Variants in WHRN observed in about 807,000 individuals in gnomAD.
The protein encoded by WHRN is whirlin, also known as CASK-interacting protein CIP98.
Under a neutral mutation model 68.3 loss-of-function variants are expected in WHRN, and 41 were observed. The ratio of observed to expected loss-of-function variants is 0.60; its 90% confidence interval spans 0.47 to 0.78. WHRN has a LOEUF of 0.78. WHRN is among the 30% of genes least tolerant of loss of function. The probability of loss-of-function intolerance (pLI) is 0.00; values close to 1 mark genes in which losing one functional copy is unlikely to be tolerated. For missense variants in WHRN, 1,243 were observed against 1,244.7 expected (o/e 1.00, Z 0.02); for synonymous variants, 560 against 561.3 (o/e 1.00, Z 0.03).
intron 1 of WHRN, among the ~76,000 whole-genome samples, chr9:114,488,989 G>A (rs1443533772): frequency 2.6e-5 from 4 of 152,112 alleles, no homozygotes; most frequent in Non-Finnish European, 5.9e-5. Flanking sequence ...TTGGGCCTGT[G>A]CGCCTGGTCC....
rs2133473118 is a variant in WHRN, at chr9:114,504,262, T to C, written c.540A>G (p.Glu180=). Residue 180 remains glutamate (E), a synonymous_variant, in exon 1 of 12, where the codon GAA becomes GAG. Coordinates refer to ENST00000362057, the MANE Select transcript of WHRN (RefSeq NM_015404.4). ...LVEPGSLAEK[E]GLRVGDQILR... Reference sequence around the variant, plus strand: ...GAATCTGGTCCCCGACCCGCAGTCCTTCCTTCTCAGCTAGAGAGCCTGGTT... The same window carrying C: ...GAATCTGGTCCCCGACCCGCAGTCCCTCCTTCTCAGCTAGAGAGCCTGGTT... 6.2e-7 allele frequency: 1 copy of C among 1,614,160 alleles called. No homozygotes were observed. The highest frequency in any genetic ancestry group is 1.7e-5 in the Admixed American group (1 of 60,030).
In WHRN at chr9:114,438,341, A is replaced by G. The variant is rs143686084; in HGVS notation, c.964-11928T>C. On this transcript the variant is annotated intron_variant, in intron 3 of 11. Transcript: ENST00000362057. ...TTTCTCATCTATCAGATTGAGAAAA[A>G]AATTTAAAACTTTACAGTGACCGTC... Among the ~76,000 whole-genome samples the G allele has an allele frequency of 6.2e-3, 948 of 152,300 alleles. 10 individuals carry two copies. The highest frequency in any genetic ancestry group is 0.021 in the African/African-American group (883 of 41,564).
intron 6 of WHRN, 110 bp from the exon 7 acceptor site, chr9:114,423,633 CCTT>C (rs1472134431): frequency 3.0e-5 from 32 of 1,066,134 alleles, no homozygotes; most frequent in Non-Finnish European, 3.8e-5. Context: ...TGCCTCCCCT[CCTT>C]AACTGTCTGG....
intron 2 of WHRN, among the ~76,000 whole-genome samples, chr9:114,467,696 T>C (rs941371271): frequency 6.6e-6 from 1 of 152,008 alleles, no homozygotes; most frequent in Non-Finnish European, 1.5e-5. Flanking sequence ...CGGTTCCTAA[T>C]CCATGAGGGA....
At chr9:114,459,700 T>C (rs1461128216) in intron 3 of WHRN, among the ~76,000 whole-genome samples, 1 of 152,216 alleles carries the variant, frequency 6.6e-6, no homozygotes, top group South Asian at 2.1e-4. Flanking sequence ...GCACCCGTGA[T>C]AGACCTGTAG....
intron 7 of WHRN, among the ~76,000 whole-genome samples, chr9:114,422,875 G>A (rs1836435501): frequency 6.6e-6 from 1 of 152,116 alleles, no homozygotes; most frequent in African/African-American, 2.4e-5. Flanking sequence ...GGGCTCCAGA[G>A]ACAAAAGGGT....
At chr9:114,460,037 A>C (rs1267051218) in intron 3 of WHRN, among the ~76,000 whole-genome samples, 1 of 152,228 alleles carries the variant, frequency 6.6e-6, no homozygotes, top group East Asian at 1.9e-4. Flanking sequence ...GTTGGTCCCC[A>C]GGAGCAGAAA....
In WHRN at chr9:114,402,168, C is replaced by T. The variant is rs1160487051; in HGVS notation, c.*586G>A. 1 of 164,912 alleles carries T rather than the reference C, an allele frequency of 6.1e-6. No homozygotes were observed. Among genetic ancestry groups the T allele is most frequent in the African/African-American group, 2.4e-5 (1 of 41,624 alleles). The allele number at this position is 164,912 out of a possible 1,614,324, so 10.2% of individuals were successfully genotyped here. On this transcript the variant is annotated 3_prime_UTR_variant, in exon 12 of 12. Coordinates refer to ENST00000362057, the MANE Select transcript of WHRN (RefSeq NM_015404.4). ...ACACTGCTGGTCACCTGCAAGGCCT[C>T]TGGGATAGGCTGGGGGTGCAGAGGG... is the stretch of plus-strand genomic sequence containing the variant.
chr9:114,441,612 C>G (rs962145417), intron 3 of WHRN, among the ~76,000 whole-genome samples: 99 of 152,164 alleles, frequency 6.5e-4, no homozygotes, highest in Admixed American at 1.0e-3. Flanking sequence ...CAAATGGACA[C>G]AGAAGCCAGG....
chr9:114,446,042 A>G (rs1262251455), intron 3 of WHRN, among the ~76,000 whole-genome samples: 1 of 152,210 alleles, frequency 6.6e-6, no homozygotes, highest in Non-Finnish European at 1.5e-5. Context: ...GCTATATGAT[A>G]GAAATCATGT....
chr9:114,411,669 G>A (rs539787512), intron 7 of WHRN, among the ~76,000 whole-genome samples: 32 of 152,262 alleles, frequency 2.1e-4, no homozygotes, highest in South Asian at 8.3e-4. Context: ...CCTACTGTGC[G>A]CCAGGCCCCG....
chr9:114,503,229 G>C, intron 1 of WHRN: 1 of 983,792 alleles, frequency 1.0e-6, no homozygotes, highest in Non-Finnish European at 1.2e-6. Context: ...GGCGGGGAGT[G>C]GGGGTTTACA....
chr9:114,412,870 A>G (rs1411635763), intron 7 of WHRN, among the ~76,000 whole-genome samples: 2 of 152,220 alleles, frequency 1.3e-5, no homozygotes, highest in Non-Finnish European at 2.9e-5. Context: ...GGGCCACCTC[A>G]GCAAAATGCA....
At chr9:114,489,075 C>T (rs1589252956) in intron 1 of WHRN, among the ~76,000 whole-genome samples, 1 of 152,308 alleles carries the variant, frequency 6.6e-6, no homozygotes, top group East Asian at 1.9e-4. Context: ...AGCTCTTCTC[C>T]ACTTCAGGCC....
chr9:114,485,862 A>G (rs1007338209), intron 1 of WHRN, among the ~76,000 whole-genome samples: 12 of 151,950 alleles, frequency 7.9e-5, no homozygotes, highest in African/African-American at 2.9e-4. Flanking sequence ...TTAAAATTTA[A>G]AATTATCCAG....
chr9:114,485,999 G>A (rs776569540), intron 1 of WHRN, among the ~76,000 whole-genome samples: 5 of 152,090 alleles, frequency 3.3e-5, no homozygotes, highest in African/African-American at 7.2e-5. Context: ...GGGCAACATC[G>A]CAAGATTCTG....
chr9:114,402,719 C>A lies in WHRN; in HGVS notation c.*35G>T. On this transcript the variant is annotated 3_prime_UTR_variant, in exon 12 of 12. Transcript: ENST00000362057. ...GGTGGAAAGGGACTGGGACCAGGGG[C>A]TGGGCAGTGGTGGGAGGCCCTCAGG... 6.2e-7 allele frequency: 1 copy of A among 1,612,822 alleles called. No homozygotes were observed. The highest frequency in any genetic ancestry group is 8.5e-7 in the Non-Finnish European group (1 of 1,179,574).
intron 3 of WHRN, among the ~76,000 whole-genome samples, chr9:114,445,141 A>T (rs1384762539): frequency 2.0e-5 from 3 of 152,024 alleles, no homozygotes; most frequent in Non-Finnish European, 4.4e-5. Context: ...TCTTGGGTTC[A>T]AGCGATTCTT....
intron 7 of WHRN, among the ~76,000 whole-genome samples, chr9:114,422,955 G>A (rs1010048605): frequency 3.9e-5 from 6 of 152,126 alleles, no homozygotes; most frequent in South Asian, 2.1e-4. Context: ...AGTGCCCAGC[G>A]GGAGTGGGCA....
Sources: gnomAD v4.1 joint callset for allele counts (sites outside exome capture counted in the v4.1 genomes callset) on GRCh38, gnomAD v4.1.1 for gene constraint, MANE v1.5 for transcripts, NCBI Gene and HGNC (gene_info 2026-07-23, HGNC 2026-07-21) for gene names.